EXOC2: variants seen among roughly 807,000 people sequenced by gnomAD.
EXOC2 encodes the protein exocyst complex component 2.
In EXOC2, 70 loss-of-function variants were observed where a neutral mutation model predicts 131.8. The ratio of observed to expected loss-of-function variants is 0.53; its 90% CI spans 0.44 to 0.65. The LOEUF (loss-of-function observed/expected upper bound fraction) is 0.65, where lower values mean the gene tolerates loss of function less well. Among genes scored for constraint, EXOC2 ranks in the 30% least tolerant of loss-of-function variants. The probability of loss-of-function intolerance (pLI) is 0.00; values close to 1 mark genes in which losing one functional copy is unlikely to be tolerated. For synonymous variants in EXOC2, 411 were observed against 398.4 expected (o/e 1.03, Z -0.38); for missense variants, 923 against 1,108.6 (o/e 0.83, Z 2.38).
At chr6:527,743 G>A (rs1279451404) in intron 23 of EXOC2, among the ~76,000 whole-genome samples, 7 of 152,088 alleles carry the variant, frequency 4.6e-5, no homozygotes, top group Non-Finnish European at 1.0e-4. Flanking sequence ...ACTATAATTA[G>A]TATAAGCACA....
intron 22 of EXOC2, among the ~76,000 whole-genome samples, chr6:544,401 A>C (rs772155722): frequency 6.6e-6 from 1 of 152,194 alleles, no homozygotes; most frequent in Non-Finnish European, 1.5e-5. Context: ...AAGGCAGCCA[A>C]ATAGGGTCAA....
In EXOC2 at chr6:532,456, C is replaced by T. The variant is rs778995939; in HGVS notation, c.2380+13G>A. The T allele has an allele frequency of 3.9e-6, 6 of 1,554,398 alleles. No homozygotes were observed. Among genetic ancestry groups the T allele is most frequent in the Non-Finnish European group, 5.2e-6 (6 of 1,157,600 alleles). On this transcript the variant is annotated intron_variant, in intron 23 of 27. Coordinates refer to ENST00000230449, the MANE Select transcript of EXOC2 (RefSeq NM_018303.6). The stretch of plus-strand genomic sequence containing the variant: ...ATATCCACATCTATTACTCAAGAAA[C>T]TTTATTACTTACCTGTTGGAGGCAG...
intron 1 of EXOC2, chr6:679,059 T>C (rs900147489): frequency 2.6e-5 from 4 of 151,978 alleles, no homozygotes; most frequent in African/African-American, 9.7e-5. Context: ...TTACAGCTGT[T>C]GGGGTGGAAG....
chr6:514,715 A>G (rs1765044458), intron 23 of EXOC2, among the ~76,000 whole-genome samples: 1 of 152,198 alleles, frequency 6.6e-6, no homozygotes, highest in South Asian at 2.1e-4. Context: ...GGAGAAGCCC[A>G]AGGGACGCAG....
chr6:555,932 CA>C, intron 19 of EXOC2, 21 bp downstream of exon 19: 1 of 1,610,680 alleles, frequency 6.2e-7, no homozygotes, highest in Non-Finnish European at 8.5e-7. Context: ...AGGCTTTCAG[CA>C]TTACTGCTTT....
In EXOC2 at chr6:534,433, CAGAGAG is replaced by C. The variant is rs34753404; in HGVS notation, c.2239-1829_2239-1824del. Among the ~76,000 whole-genome samples the C allele has an allele frequency of 8.7e-5, 13 of 148,598 alleles. No homozygotes were observed. The East Asian group carries it at 9.8e-4, about 11-fold the overall frequency. ...ACATTTACTCTAAATGAGAGAGAGA[CAGAGAG>C]AGAGAGAGAGAGAGAGACAGAGACA... On this transcript the variant is annotated intron_variant, in intron 22 of 27. Coordinates refer to ENST00000230449, the MANE Select transcript of EXOC2 (RefSeq NM_018303.6).
chr6:586,179 A>G (rs982952023), intron 11 of EXOC2, among the ~76,000 whole-genome samples: 2 of 152,210 alleles, frequency 1.3e-5, no homozygotes, highest in Admixed American at 6.5e-5. Context: ...TGCCAAGCAA[A>G]CAAGTAAGTA....
intron 10 of EXOC2, 110 bp downstream of exon 10, chr6:597,911 A>C (rs948495396): frequency 4.2e-6 from 3 of 711,944 alleles, no homozygotes; most frequent in South Asian, 2.1e-5. Context: ...CTTCCCCTTC[A>C]CCATTTCATC....
chr6:556,061 G>T, intron 18 of EXOC2, 48 bp from the exon 19 acceptor site: 1 of 1,561,276 alleles, frequency 6.4e-7, no homozygotes. Context: ...GCTAAGAAAA[G>T]GTTTTTGTAT....
At chr6:538,790 C>G (rs182149862) in intron 22 of EXOC2, among the ~76,000 whole-genome samples, 1 of 152,308 alleles carries the variant, frequency 6.6e-6, no homozygotes, top group Non-Finnish European at 1.5e-5. Context: ...TAGAAAATAT[C>G]TGGCCGGGCA....
At chr6:657,022 G>C in intron 1 of EXOC2, 1 of 1,245,974 alleles carries the variant, frequency 8.0e-7, no homozygotes, top group Non-Finnish European at 1.1e-6. Context: ...GCTGGGGTCC[G>C]TGGCGCTGCC....
chr6:535,055 T>C (rs911482655), intron 22 of EXOC2, among the ~76,000 whole-genome samples: 4 of 152,204 alleles, frequency 2.6e-5, no homozygotes, highest in African/African-American at 9.6e-5. Flanking sequence ...CTTAAATCAC[T>C]GCTCTAATTT....
chr6:655,600 A>G (rs151237719), intron 1 of EXOC2, among the ~76,000 whole-genome samples: 170 of 152,334 alleles, frequency 1.1e-3, no homozygotes, highest in Admixed American at 2.0e-3. Context: ...GTACACTGAT[A>G]TATTCTTTGA....
At chr6:499,079 G>A (rs1388755048) in intron 24 of EXOC2, among the ~76,000 whole-genome samples, 1 of 152,132 alleles carries the variant, frequency 6.6e-6, no homozygotes, top group Non-Finnish European at 1.5e-5. Context: ...AGATGAAAGC[G>A]TGTCAAGTGA....
chr6:543,853 A>G (rs1756689166), intron 22 of EXOC2, among the ~76,000 whole-genome samples: 1 of 152,186 alleles, frequency 6.6e-6, no homozygotes, highest in Non-Finnish European at 1.5e-5. Flanking sequence ...ATCTCGATGG[A>G]AACTTCCAGG....
chr6:530,315 C>G (rs1766001689), intron 23 of EXOC2, among the ~76,000 whole-genome samples: 1 of 152,158 alleles, frequency 6.6e-6, no homozygotes, highest in Non-Finnish European at 1.5e-5. Context: ...TAGAAAATGC[C>G]AATCTTCATT....
At chr6:564,476 TA>T in intron 15 of EXOC2, 68 bp downstream of exon 15, 1 of 1,580,350 alleles carries the variant, frequency 6.3e-7, no homozygotes, top group South Asian at 1.1e-5. Context: ...TCACTGAATG[TA>T]TTAATTCTTT....
intron 21 of EXOC2, among the ~76,000 whole-genome samples, chr6:550,053 A>G (rs568278681): frequency 6.6e-6 from 1 of 152,358 alleles, no homozygotes; most frequent in South Asian, 2.1e-4. Context: ...GGTAAATAAA[A>G]TTCCAGGAAT....
Position 588,536 on chromosome 6 carries a change from G to T in EXOC2, c.1192+3933C>A, listed in dbSNP as rs192284906. 3.3e-5 allele frequency among the ~76,000 whole-genome samples: 5 copies of T among 152,176 alleles called. No homozygotes were observed. The East Asian group carries it at 9.6e-4, about 29-fold the overall frequency. On this transcript the variant is annotated intron_variant, in intron 11 of 27. Transcript: ENST00000230449. ...TACCTGGCTAATTTTTGTATTTTTA[G>T]TAGAGACAGGGTTTCACTATGTTGG...
Sources: gnomAD v4.1 joint callset for allele counts (sites outside exome capture counted in the v4.1 genomes callset) on GRCh38, gnomAD v4.1.1 for gene constraint, MANE v1.5 for transcripts, NCBI Gene and HGNC (gene_info 2026-07-23, HGNC 2026-07-21) for gene names.